HDHD2: variants seen among roughly 807,000 people sequenced by gnomAD.
The protein encoded by HDHD2 is haloacid dehalogenase-like hydrolase domain-containing protein 2.
A neutral mutation model predicts 24.8 loss-of-function variants in HDHD2; 26 were observed. The observed-to-expected ratio is 1.05, with a 90% CI of 0.77 to 1.45. The LOEUF (loss-of-function observed/expected upper bound fraction) is 1.45, where lower values mean the gene tolerates loss of function less well. Ranked by LOEUF, HDHD2 falls within the 40% of genes most tolerant of loss-of-function variation. The probability of loss-of-function intolerance (pLI) is 0.00; values close to 1 mark genes in which losing one functional copy is unlikely to be tolerated. For synonymous variants in HDHD2, 128 were observed against 114.9 expected, an observed-to-expected ratio of 1.11 and a Z score of -0.73; for missense variants, 299 against 313.4, an observed-to-expected ratio of 0.95 and a Z score of 0.35.
intron 3 of HDHD2, among the ~76,000 whole-genome samples, chr18:47,131,693 T>C (rs1225343096): frequency 6.6e-6 from 1 of 152,236 alleles, no homozygotes; most frequent in African/African-American, 2.4e-5. Flanking sequence ...CTCTTTTCAC[T>C]GACACTAAAA....
At chr18:47,126,114 T>C (rs2063655846) in intron 4 of HDHD2, among the ~76,000 whole-genome samples, 1 of 152,218 alleles carries the variant, frequency 6.6e-6, no homozygotes, top group South Asian at 2.1e-4. Flanking sequence ...AAACAATTTC[T>C]CACCTCCAAA....
intron 6 of HDHD2, 83 bp from the exon 7 acceptor site, chr18:47,108,868 C>G: frequency 1.3e-6 from 1 of 755,898 alleles, no homozygotes; most frequent in Non-Finnish European, 2.3e-6. Context: ...TGGGTCATCA[C>G]AGCACCACCC....
rs189431142 is a variant in HDHD2 at position 47,110,939 on chromosome 18, G to A, written c.676+2038C>T. 4.7e-4 allele frequency: 461 copies of A among 985,066 alleles called. 3 individuals are homozygous for A. The African/African-American group carries it at 7.8e-3, about 17-fold the overall frequency. 61.0% of individuals were successfully genotyped at this position (985,066 alleles called of 1,614,324 possible). On this transcript the variant is annotated intron_variant, in intron 6 of 6. Coordinates refer to ENST00000300605, the MANE Select transcript of HDHD2 (RefSeq NM_032124.5). ...TACCCCTTTAGAAACAAAATTGCTC[G>A]AGATGATCCACAGAAAGCACTTATT...
chr18:47,146,601 TCAA>T (rs1442167998), intron 1 of HDHD2, among the ~76,000 whole-genome samples: 3 of 152,176 alleles, frequency 2.0e-5, no homozygotes, highest in African/African-American at 4.8e-5. Context: ...CAAATGTCCA[TCAA>T]CAACAGAATG....
intron 4 of HDHD2, among the ~76,000 whole-genome samples, chr18:47,121,158 GA>G (rs1388550921): frequency 2.0e-5 from 3 of 149,196 alleles, no homozygotes; most frequent in African/African-American, 7.4e-5. Context: ...GCAATAAAAA[GA>G]GGTATGCCTG....
chr18:47,136,472 A>G, intron 1 of HDHD2, 23 bp from the exon 2 acceptor site: 2 of 1,600,578 alleles, frequency 1.2e-6, no homozygotes, highest in Non-Finnish European at 1.7e-6. Context: ...AAATGAAATT[A>G]AAAATACAGT....
chr18:47,136,651 T>TTA (rs772563007), intron 1 of HDHD2, among the ~76,000 whole-genome samples: 1,741 of 149,054 alleles, frequency 0.012, 21 homozygotes, highest in Non-Finnish European at 0.019. Flanking sequence ...GGTTTTTTTT[T>TTA]AAAAAAAAAA....
At chr18:47,135,258 CTTTTTTT>C (rs904719955) in intron 2 of HDHD2, among the ~76,000 whole-genome samples, 9 of 128,330 alleles carry the variant, frequency 7.0e-5, no homozygotes, top group South Asian at 2.6e-4. Context: ...TAGATTTTTT[CTTTTTTT>C]TTTTTTTTTT....
At chr18:47,137,645 C>A (rs2063778443) in intron 1 of HDHD2, among the ~76,000 whole-genome samples, 1 of 151,982 alleles carries the variant, frequency 6.6e-6, no homozygotes, top group Non-Finnish European at 1.5e-5. Context: ...TCTGTTTTAA[C>A]AACAACAACA....
intron 1 of HDHD2, among the ~76,000 whole-genome samples, chr18:47,145,546 G>A (rs1045997049): frequency 1.3e-5 from 2 of 152,154 alleles, no homozygotes; most frequent in African/African-American, 4.8e-5. Context: ...CAATAATATG[G>A]TGTTGGAACC....
In HDHD2 at chr18:47,113,037, A is replaced by C. The variant is rs1214879515; in HGVS notation, c.616T>G (p.Cys206Gly). The stretch of plus-strand genomic sequence containing the variant: ...TGAGCCCCACCAACATCATCCCTGC[A>C]ATCCTAGAAAAGCATAAAGAAAGCA... ...PEEAVMIGDD[C>G]RDDVGGAQDV... Residue 206 changes from cysteine (C) to glycine (G), a missense_variant, in exon 6 of 7, where the codon TGC (cysteine) becomes GGC (glycine). Physicochemically the swap from Cys to Gly is radical, Grantham distance 159. Transcript: ENST00000300605. The C allele has an allele frequency of 6.2e-7, 1 of 1,614,026 alleles. No individual in the cohort carries two copies.
intron 4 of HDHD2, among the ~76,000 whole-genome samples, chr18:47,124,266 A>C (rs1455786834): frequency 6.6e-6 from 1 of 152,220 alleles, no homozygotes; most frequent in East Asian, 1.9e-4. Context: ...TTTCTTAAAC[A>C]AAACAGAAGA....
At chr18:47,115,426 A>C (rs747838611) in intron 4 of HDHD2, 78 bp from the exon 5 acceptor site, 11 of 997,268 alleles carry the variant, frequency 1.1e-5, no homozygotes, top group African/African-American at 1.6e-5. Context: ...TCAGACTTAC[A>C]AAGTGGCTGT....
At chr18:47,136,771 TTAAACCTGAG>T (rs1421597387) in intron 1 of HDHD2, among the ~76,000 whole-genome samples, 1 of 152,210 alleles carries the variant, frequency 6.6e-6, no homozygotes, top group Non-Finnish European at 1.5e-5. Flanking sequence ...TATTTTATTT[TTAAACCTGAG>T]AATAATGTAC....
chr18:47,136,694 G>A (rs909524826), intron 1 of HDHD2, among the ~76,000 whole-genome samples: 3 of 150,272 alleles, frequency 2.0e-5, no homozygotes, highest in African/African-American at 7.3e-5. Context: ...GAAGCAAAAC[G>A]CTTACAGAGG....
intron 4 of HDHD2, among the ~76,000 whole-genome samples, chr18:47,123,650 A>T (rs1317890714): frequency 6.6e-6 from 1 of 152,202 alleles, no homozygotes; most frequent in African/African-American, 2.4e-5. Context: ...ACAAGAATTT[A>T]ACAAAATGTC....
At chr18:47,114,226 CAG>C (rs1202779037) in intron 5 of HDHD2, among the ~76,000 whole-genome samples, 1 of 152,138 alleles carries the variant, frequency 6.6e-6, no homozygotes, top group Non-Finnish European at 1.5e-5. Flanking sequence ...ATTATAGAAA[CAG>C]AAGATAAAAT....
At chr18:47,130,765 A>G (rs2063706371) in intron 3 of HDHD2, among the ~76,000 whole-genome samples, 3 of 152,214 alleles carry the variant, frequency 2.0e-5, no homozygotes, top group South Asian at 4.1e-4. Flanking sequence ...AAGGGAAATT[A>G]GACTTTCTAA....
chr18:47,134,713 G>C lies in HDHD2; in HGVS notation c.102-9C>G. ...CAGAAGCACCACGTAACCTGGAGAGGGCCAAATTCAGAAGTCAAAAGGCAG... is the reference window on the plus strand; with the variant it reads ...CAGAAGCACCACGTAACCTGGAGAGCGCCAAATTCAGAAGTCAAAAGGCAG... On this transcript the variant is annotated splice_polypyrimidine_tract_variant and intron_variant, in intron 2 of 6. Coordinates refer to ENST00000300605, the MANE Select transcript of HDHD2 (RefSeq NM_032124.5). The C allele has an allele frequency of 6.2e-7, 1 of 1,608,782 alleles. No homozygotes were observed. The highest frequency in any genetic ancestry group is 1.1e-5 in the South Asian group (1 of 90,418).
Sources: gnomAD v4.1 joint callset for allele counts (sites outside exome capture counted in the v4.1 genomes callset) on GRCh38, gnomAD v4.1.1 for gene constraint, MANE v1.5 for transcripts, NCBI Gene and HGNC (gene_info 2026-07-23, HGNC 2026-07-21) for gene names.